GALNT17: variants seen among roughly 807,000 people sequenced by gnomAD.
GALNT17 encodes UDP-GalNAc:polypeptide N-acetylgalactosaminyltransferase-like 3.
In GALNT17, 29 loss-of-function variants were observed where a neutral mutation model predicts 63.7. The observed-to-expected ratio is 0.46, with a 90% CI of 0.34 to 0.62. The LOEUF (loss-of-function observed/expected upper bound fraction) is 0.62, where lower values mean the gene tolerates loss of function less well. Ranked by LOEUF, GALNT17 falls within the 20% of genes least tolerant of loss-of-function variation. The pLI is 0.01. For missense variants in GALNT17, 603 were observed against 799.6 expected (o/e 0.75, Z 2.97); for synonymous variants, 305 against 318.3 (o/e 0.96, Z 0.45).
chr7:71,360,752 G>A (rs960199882), intron 2 of GALNT17, among the ~76,000 whole-genome samples: 1 of 152,062 alleles, frequency 6.6e-6, no homozygotes, highest in African/African-American at 2.4e-5. Flanking sequence ...GGCCAACGTG[G>A]CAAAACCCCG....
At chr7:71,648,438 C>T (rs932314087) in intron 6 of GALNT17, among the ~76,000 whole-genome samples, 7 of 151,880 alleles carry the variant, frequency 4.6e-5, no homozygotes, top group East Asian at 1.9e-4. Flanking sequence ...GCCCAGATAA[C>T]GTTTTTAAAA....
At chr7:71,223,947 C>T (rs1412875340) in intron 1 of GALNT17, among the ~76,000 whole-genome samples, 1 of 152,132 alleles carries the variant, frequency 6.6e-6, no homozygotes, top group Non-Finnish European at 1.5e-5. Flanking sequence ...ACCACATTTT[C>T]TTTATCCAAT....
intron 1 of GALNT17, among the ~76,000 whole-genome samples, chr7:71,283,832 C>T (rs1248339853): frequency 6.6e-6 from 1 of 151,996 alleles, no homozygotes; most frequent in East Asian, 1.9e-4. Context: ...CGAGTGGGGA[C>T]TTGGAGAACT....
At chr7:71,626,284 G>A (rs1363081610) in intron 6 of GALNT17, among the ~76,000 whole-genome samples, 1 of 151,084 alleles carries the variant, frequency 6.6e-6, no homozygotes, top group African/African-American at 2.4e-5. Flanking sequence ...ACAAAGGCAA[G>A]CCCATGTGAA....
At chr7:71,651,611 A>G (rs748534388) in intron 6 of GALNT17, among the ~76,000 whole-genome samples, 2 of 152,168 alleles carry the variant, frequency 1.3e-5, no homozygotes, top group South Asian at 4.1e-4. Context: ...CCTTTTAGCC[A>G]ATTTTCTAAC....
intron 6 of GALNT17, among the ~76,000 whole-genome samples, chr7:71,632,393 G>A (rs954632504): frequency 2.0e-5 from 3 of 152,172 alleles, no homozygotes; most frequent in African/African-American, 7.2e-5. Context: ...GTTGGGGTTC[G>A]AATATTACAC....
intron 1 of GALNT17, among the ~76,000 whole-genome samples, chr7:71,195,146 G>C (rs879803391): frequency 3.3e-4 from 50 of 152,202 alleles, no homozygotes; most frequent in Admixed American, 2.6e-3. Flanking sequence ...AGAGTGAGTA[G>C]AATGATTAAC....
intron 1 of GALNT17, among the ~76,000 whole-genome samples, chr7:71,221,354 A>G (rs1452216594): frequency 7.0e-6 from 1 of 142,998 alleles, no homozygotes; most frequent in Non-Finnish European, 1.5e-5. Flanking sequence ...GGTTGATTCC[A>G]TGTAACCTTA....
At chr7:71,278,803 G>A (rs999661132) in intron 1 of GALNT17, among the ~76,000 whole-genome samples, 12 of 152,198 alleles carry the variant, frequency 7.9e-5, no homozygotes, top group South Asian at 4.2e-4. Flanking sequence ...ACCTCACACC[G>A]AGTCCCTTGC....
chr7:71,488,549 A>G (rs1470764333), intron 5 of GALNT17, among the ~76,000 whole-genome samples: 10 of 147,740 alleles, frequency 6.8e-5, no homozygotes, highest in Non-Finnish European at 1.5e-4. Flanking sequence ...AGATATTCCC[A>G]CTGGGCAAGC....
chr7:71,690,348 C>G (rs1444048209), intron 9 of GALNT17, among the ~76,000 whole-genome samples: 1 of 151,542 alleles, frequency 6.6e-6, no homozygotes, highest in African/African-American at 2.4e-5. Flanking sequence ...ATTAAGCCCA[C>G]TGTCCAGTCC....
chr7:71,684,595 G>A (rs1288907676), intron 9 of GALNT17, among the ~76,000 whole-genome samples: 1 of 152,140 alleles, frequency 6.6e-6, no homozygotes, highest in Non-Finnish European at 1.5e-5. Context: ...ACCCATATCT[G>A]TTTTTGGTGA....
chr7:71,544,677 A>G (rs1788952578), intron 5 of GALNT17, among the ~76,000 whole-genome samples: 1 of 152,114 alleles, frequency 6.6e-6, no homozygotes, highest in Admixed American at 6.5e-5. Flanking sequence ...AAAAATTTCT[A>G]GAAGTTTTTA....
chr7:71,577,059 C>T lies in GALNT17; in HGVS notation c.1080+5657C>T, dbSNP rs574812360. Among the ~76,000 whole-genome samples the T allele has an allele frequency of 3.9e-5, 6 of 152,288 alleles. No homozygotes were observed. The South Asian group carries it at 1.2e-3, about 32-fold the overall frequency. Reference sequence around the variant, plus strand: ...AAAAAGATTGAAATCATGTCCGTTGCAGCAACATGGATACAGTGAAAGGCC... The same window carrying T: ...AAAAAGATTGAAATCATGTCCGTTGTAGCAACATGGATACAGTGAAAGGCC... On this transcript the variant is annotated intron_variant, in intron 6 of 10. Transcript: ENST00000333538.
At chr7:71,200,687 C>G (rs541959994) in intron 1 of GALNT17, among the ~76,000 whole-genome samples, 1 of 152,064 alleles carries the variant, frequency 6.6e-6, no homozygotes, top group African/African-American at 2.4e-5. Flanking sequence ...GCTTTTCTCA[C>G]ATTACATTAT....
intron 1 of GALNT17, among the ~76,000 whole-genome samples, chr7:71,282,926 G>A (rs1438446638): frequency 6.6e-6 from 1 of 152,038 alleles, no homozygotes; most frequent in Non-Finnish European, 1.5e-5. Flanking sequence ...AGAAAGGACC[G>A]AAGGCAGGAG....
At chr7:71,138,992 A>C (rs1298651487) in intron 1 of GALNT17, among the ~76,000 whole-genome samples, 1 of 152,182 alleles carries the variant, frequency 6.6e-6, no homozygotes, top group Non-Finnish European at 1.5e-5. Flanking sequence ...TAAATAAAAT[A>C]AAAAAGAAAG....
intron 5 of GALNT17, among the ~76,000 whole-genome samples, chr7:71,453,762 G>C (rs1787307812): frequency 6.6e-6 from 1 of 152,214 alleles, no homozygotes; most frequent in African/African-American, 2.4e-5. Context: ...TCAGGATGCT[G>C]TCCCAGACTT....
chr7:71,566,153 G>A (rs1789340475), intron 5 of GALNT17, among the ~76,000 whole-genome samples: 3 of 152,060 alleles, frequency 2.0e-5, no homozygotes, highest in Admixed American at 6.6e-5. Context: ...GGGATTACAC[G>A]CATGAGCCAC....
Sources: allele counts gnomAD v4.1 joint callset (sites outside exome capture counted in the v4.1 genomes callset), GRCh38; gene constraint gnomAD v4.1.1; transcripts MANE v1.5; gene names NCBI Gene and HGNC (gene_info 2026-07-23, HGNC 2026-07-21).